Variants in CLPB observed in about 807,000 individuals in gnomAD.
The protein encoded by CLPB is ClpB family mitochondrial disaggregase, also known as mitochondrial disaggregase.
A neutral mutation model predicts 78.4 loss-of-function variants in CLPB; 40 were observed. The ratio of observed to expected loss-of-function variants is 0.51; its 90% CI spans 0.40 to 0.66. The LOEUF is 0.66. CLPB is among the 30% of genes least tolerant of loss of function. CLPB has a pLI of 0.00. For synonymous variants in CLPB, 333 were observed against 348.0 expected (o/e 0.96, Z 0.48); for missense variants, 780 against 886.9 (o/e 0.88, Z 1.53).
chr11:72,359,006 G>A lies in CLPB; in HGVS notation c.649C>T (p.Leu217=). The change falls in exon 5 of 16, where the codon CTG becomes TTG. Residue 217 remains leucine, a splice_region_variant and synonymous_variant. Transcript: ENST00000538039. ...KEQGIHSLEV[L]ITREDDFNNR... ...TTGAAGTCATCCTCTCGGGTGATCA[G>A]GACTGGGGAGACAGCAACACAAACC... The A allele has an allele frequency of 6.2e-7, 1 of 1,613,624 alleles. No individual in the cohort carries two copies. The highest frequency in any genetic ancestry group is 8.5e-7 in the Non-Finnish European group (1 of 1,179,970).
chr11:72,358,892 G>T lies in CLPB; in HGVS notation c.763C>A (p.Leu255Met), dbSNP rs1439067914. 1.1e-5 allele frequency: 16 copies of T among 1,476,182 alleles called. No individual in the cohort carries two copies. Among genetic ancestry groups the T allele is most frequent in the Non-Finnish European group, 1.5e-5 (16 of 1,094,070 alleles). The allele number at this position is 1,476,182 out of a possible 1,614,324, so 91.4% of individuals were successfully genotyped here. The change falls in exon 5 of 16, where the codon CTG becomes ATG. Residue 255 changes from leucine to methionine, a missense_variant. Physicochemically the swap from Leu to Met is conservative, Grantham distance 15. Coordinates refer to ENST00000538039, the MANE Select transcript of CLPB (RefSeq NM_001258392.3). ...LADDYRTVKE[L>M]LDGGANPLQR... ...CCTCTGCTCTCACCTCCATCAAGCA[G>T]CTCCTTGACAGTGCGGTAGTCATCA...
At chr11:72,387,696 CCT>C (rs1855122394) in intron 3 of CLPB, among the ~76,000 whole-genome samples, 1 of 151,952 alleles carries the variant, frequency 6.6e-6, no homozygotes, top group East Asian at 1.9e-4. Flanking sequence ...AGCTCTTTAC[CCT>C]CTGTTTGTAT....
chr11:72,338,684 C>T (rs950279886), intron 5 of CLPB, among the ~76,000 whole-genome samples: 13 of 152,216 alleles, frequency 8.5e-5, no homozygotes, highest in Non-Finnish European at 1.8e-4. Context: ...AGAGTTATTA[C>T]CTGATCACAG....
chr11:72,361,779 C>T (rs1950844162), intron 4 of CLPB, among the ~76,000 whole-genome samples: 1 of 152,180 alleles, frequency 6.6e-6, no homozygotes, highest in South Asian at 2.1e-4. Context: ...TAATGAGCAC[C>T]AATGCATGGT....
At chr11:72,427,572 T>G (rs1856422218) in intron 2 of CLPB, among the ~76,000 whole-genome samples, 1 of 152,202 alleles carries the variant, frequency 6.6e-6, no homozygotes, top group African/African-American at 2.4e-5. Flanking sequence ...ACAAATGACC[T>G]TTTCTGTATT....
intron 9 of CLPB, chr11:72,302,987 C>T (rs1306848429): frequency 6.5e-6 from 1 of 153,226 alleles, no homozygotes; most frequent in Non-Finnish European, 1.5e-5. Context: ...CTTTTCTCTC[C>T]ACCACAGGGT....
chr11:72,422,755 A>C (rs1374216037), intron 2 of CLPB, among the ~76,000 whole-genome samples: 1 of 152,220 alleles, frequency 6.6e-6, no homozygotes, highest in Non-Finnish European at 1.5e-5. Flanking sequence ...CAATAAACAG[A>C]CAGCCTCTCT....
At position 72,287,702 on chromosome 11, in the gene CLPB, T is replaced by C. The variant is rs1327088835; in HGVS notation, c.*5665A>G. 3 of 152,204 alleles carry C rather than the reference T, an allele frequency of 2.0e-5. No individual in the cohort carries two copies. The highest frequency in any genetic ancestry group is 6.5e-5 in the Admixed American group (1 of 15,286). 9.4% of individuals were successfully genotyped at this position (152,204 alleles called of 1,614,324 possible). A position where few individuals can be genotyped will look rare whatever the true frequency, so the allele number is the denominator to read the frequency against. On this transcript the variant is annotated 3_prime_UTR_variant, in exon 16 of 16. Transcript: ENST00000538039. ...GATAAAATTTTAACCACCTTTCCAG[T>C]TTCTTCTTGGGTAACCAACTGGCCT...
chr11:72,314,179 C>T (rs1949898403), intron 7 of CLPB, among the ~76,000 whole-genome samples: 1 of 152,154 alleles, frequency 6.6e-6, no homozygotes, highest in Non-Finnish European at 1.5e-5. Flanking sequence ...CATACTCTGG[C>T]AGAGCCGAAC....
At chr11:72,371,107 A>C (rs1951033260) in intron 4 of CLPB, among the ~76,000 whole-genome samples, 3 of 152,076 alleles carry the variant, frequency 2.0e-5, no homozygotes, top group Non-Finnish European at 4.4e-5. Flanking sequence ...TCTGTCACCC[A>C]GGCTGGAGTG....
At chr11:72,368,459 G>A (rs1362736380) in intron 4 of CLPB, among the ~76,000 whole-genome samples, 1 of 152,140 alleles carries the variant, frequency 6.6e-6, no homozygotes, top group Non-Finnish European at 1.5e-5. Flanking sequence ...TCAACTCCAA[G>A]GCTTATAACT....
chr11:72,408,470 A>G (rs1326738490), intron 2 of CLPB, among the ~76,000 whole-genome samples: 1 of 152,110 alleles, frequency 6.6e-6, no homozygotes, highest in East Asian at 1.9e-4. Context: ...GATCAAGACC[A>G]TCCTGGCTGA....
intron 4 of CLPB, chr11:72,363,627 T>C (rs1205973302): frequency 3.3e-5 from 5 of 151,682 alleles, no homozygotes; most frequent in African/African-American, 9.7e-5. Flanking sequence ...TGACAATCCA[T>C]GTAGGACCGA....
At chr11:72,314,390 G>T (rs1478025690) in intron 7 of CLPB, among the ~76,000 whole-genome samples, 1 of 152,118 alleles carries the variant, frequency 6.6e-6, no homozygotes, top group Non-Finnish European at 1.5e-5. Context: ...GGGGTCAAAG[G>T]TCAAGGAGTA....
At position 72,301,860 on chromosome 11, in the gene CLPB, A is replaced by G; in HGVS notation, c.1272T>C (p.Asp424=). The G allele has an allele frequency of 6.2e-7, 1 of 1,614,172 alleles. No individual in the cohort carries two copies. Among genetic ancestry groups the G allele is most frequent in the East Asian group, 2.2e-5 (1 of 44,876 alleles). ...CATCTGGATGGGCCTTGTCTACTTC[A>G]TCAAAGAGCACCACAGCATTGGGGC... The part of the protein sequence containing the change: ...KQCPNAVVLF[D]EVDKAHPDVL... The change falls in exon 11 of 16, where the codon GAT becomes GAC. Residue 424 remains aspartate, a synonymous_variant. Coordinates refer to ENST00000538039, the MANE Select transcript of CLPB (RefSeq NM_001258392.3).
At chr11:72,360,183 G>T (rs1432504770) in intron 4 of CLPB, among the ~76,000 whole-genome samples, 1 of 152,160 alleles carries the variant, frequency 6.6e-6, no homozygotes, top group East Asian at 1.9e-4. Context: ...AGTTTGTAGG[G>T]GTAGAATTTG....
rs964999979 is a variant in CLPB, at chr11:72,285,791, G to A, written c.*7576C>T. 6.6e-6 allele frequency: 1 copy of A among 152,146 alleles called. No homozygotes were observed. The highest frequency in any genetic ancestry group is 6.5e-5 in the Admixed American group (1 of 15,272). The allele number at this position is 152,146 out of a possible 1,614,324, so 9.4% of individuals were successfully genotyped here. A position where few individuals can be genotyped will look rare whatever the true frequency, so the allele number is the denominator to read the frequency against. ...TTCCAGAAATAGGTTATGTGTAGAA[G>A]AGCAAATATATATATACCTATTTGT... On this transcript the variant is annotated 3_prime_UTR_variant, in exon 16 of 16. Coordinates refer to ENST00000538039, the MANE Select transcript of CLPB (RefSeq NM_001258392.3).
chr11:72,295,168 C>A (rs1399859767), intron 12 of CLPB, among the ~76,000 whole-genome samples: 1 of 152,216 alleles, frequency 6.6e-6, no homozygotes, highest in African/African-American at 2.4e-5. Flanking sequence ...ACCAAAGCAT[C>A]TGTGTCTCTT....
Position 72,312,676 on chromosome 11 carries a change from A to G in CLPB, c.989-4072T>C, listed in dbSNP as rs966364330. 3.3e-5 allele frequency among the ~76,000 whole-genome samples: 5 copies of G among 152,234 alleles called. No individual in the cohort carries two copies. Among genetic ancestry groups the G allele is most frequent in the African/African-American group, 1.2e-4 (5 of 41,472 alleles). On this transcript the variant is annotated intron_variant, in intron 7 of 15. Coordinates refer to ENST00000538039, the MANE Select transcript of CLPB (RefSeq NM_001258392.3). The surrounding 1 kb of genome is among the most constrained non-coding windows in gnomAD (Gnocchi z 4.2). ...ACTTGAGTCTCTTAGTGCCCCAGGTAGTTACTACCACTCTTGCATGAAGAA... is the reference window on the plus strand; with the variant it reads ...ACTTGAGTCTCTTAGTGCCCCAGGTGGTTACTACCACTCTTGCATGAAGAA...
Sources: gnomAD v4.1 joint callset for allele counts (sites outside exome capture counted in the v4.1 genomes callset) on GRCh38, gnomAD v4.1.1 for gene constraint, Gnocchi (gnomAD v3.1) non-coding constraint, MANE v1.5 for transcripts, NCBI Gene and HGNC (gene_info 2026-07-23, HGNC 2026-07-21) for gene names.